Variants in PLCG2 observed in about 807,000 individuals in gnomAD.
PLCG2 encodes phospholipase C gamma 2, also known as 1-phosphatidylinositol 4,5-bisphosphate phosphodiesterase gamma-2.
Under a neutral mutation model 175.6 loss-of-function variants are expected in PLCG2, and 69 were observed. The ratio of observed to expected loss-of-function variants is 0.39; its 90% CI spans 0.32 to 0.48. The LOEUF (loss-of-function observed/expected upper bound fraction) is 0.48. PLCG2 is among the 20% of genes least tolerant of loss of function. PLCG2 has a pLI of 0.91. For missense variants in PLCG2, 1,798 were observed against 1,650.9 expected, an observed-to-expected ratio of 1.09 and a Z score of -1.54; for synonymous variants, 827 against 624.0, an observed-to-expected ratio of 1.33 and a Z score of -4.85.
intron 1 of PLCG2, among the ~76,000 whole-genome samples, chr16:81,750,899 T>C (rs1460283651): frequency 6.7e-6 from 1 of 149,160 alleles, no homozygotes; most frequent in Non-Finnish European, 1.5e-5. Flanking sequence ...GGTCTCGATC[T>C]CCTGACCTCA....
intron 2 of PLCG2, among the ~76,000 whole-genome samples, chr16:81,820,761 C>T (rs540266659): frequency 1.2e-4 from 18 of 152,310 alleles, no homozygotes; most frequent in African/African-American, 3.9e-4. Context: ...GCTGGGATTA[C>T]AGGTGCACAC....
chr16:81,818,643 G>A (rs535893190), intron 2 of PLCG2, among the ~76,000 whole-genome samples: 2 of 152,192 alleles, frequency 1.3e-5, no homozygotes, highest in East Asian at 1.9e-4. Flanking sequence ...CCAACTAGCC[G>A]GGCATACCTT....
chr16:81,881,367 G>C (rs771055523), intron 8 of PLCG2, among the ~76,000 whole-genome samples: 120 of 152,156 alleles, frequency 7.9e-4, no homozygotes, highest in Non-Finnish European at 1.3e-3. Context: ...ATGATGCTTG[G>C]CACCCATGAG....
At position 81,816,173 on chromosome 16, in the gene PLCG2, C is replaced by A. The variant is rs184231077; in HGVS notation, c.193+29991C>A. The stretch of plus-strand genomic sequence containing the variant: ...ATCACTTGAGGTCAGGAGTTCGAGA[C>A]CAGCCTGGCCAATATGGTGAAACTC... On this transcript the variant is annotated intron_variant, in intron 2 of 32. Coordinates refer to ENST00000564138, the MANE Select transcript of PLCG2 (RefSeq NM_002661.5). Among the ~76,000 whole-genome samples the A allele has an allele frequency of 5.9e-4, 90 of 152,166 alleles. 2 individuals carry two copies. The East Asian group carries it at 0.016, about 27-fold the overall frequency.
intron 2 of PLCG2, among the ~76,000 whole-genome samples, chr16:81,814,022 C>G (rs1416890244): frequency 1.3e-5 from 2 of 152,106 alleles, no homozygotes; most frequent in African/African-American, 4.8e-5. Flanking sequence ...TGAGCCTTGA[C>G]CTTGGGTGTG....
In PLCG2 at chr16:81,921,274, G is replaced by A. The variant is rs769881279; in HGVS notation, c.2307+5G>A. ...AGTGAAATCAATCCGTCCATGGTAC[G>A]GTGCCGAACCTCCAATTCACATGAT... On this transcript the variant is annotated splice_donor_5th_base_variant and intron_variant, in intron 21 of 32. Transcript: ENST00000564138. The A allele has an allele frequency of 6.3e-6, 10 of 1,591,756 alleles. No individual in the cohort carries two copies. The highest frequency in any genetic ancestry group is 2.7e-5 in the African/African-American group (2 of 74,558).
chr16:81,863,439 C>G (rs1452805416), intron 5 of PLCG2, among the ~76,000 whole-genome samples: 1 of 152,220 alleles, frequency 6.6e-6, no homozygotes, highest in Non-Finnish European at 1.5e-5. Context: ...TTTTGCTTAT[C>G]TACTTCTCCA....
chr16:81,883,648 GC>G, intron 9 of PLCG2: 1 of 422,110 alleles, frequency 2.4e-6, no homozygotes, highest in Non-Finnish European at 4.4e-6. Flanking sequence ...TGAGGATGGG[GC>G]TGCCCTCACC....
At chr16:81,811,704 C>G (rs1337168688) in intron 2 of PLCG2, among the ~76,000 whole-genome samples, 1 of 152,076 alleles carries the variant, frequency 6.6e-6, no homozygotes. Context: ...TGAGCTCATC[C>G]TTTTTTATGG....
rs1909174112 is a variant in PLCG2, at chr16:81,902,049, A to C, written c.1362+1269A>C. Among the ~76,000 whole-genome samples the C allele has an allele frequency of 2.0e-5, 3 of 152,324 alleles. No individual in the cohort carries two copies. The South Asian group carries it at 6.2e-4, about 32-fold the overall frequency. On this transcript the variant is annotated intron_variant, in intron 14 of 32. Transcript: ENST00000564138. ...CAGGCACATCCGAGTTCCAGCTCAG[A>C]GCACGGGAAGTCCAAGGGTGTCCAG...
intron 9 of PLCG2, among the ~76,000 whole-genome samples, chr16:81,884,860 CAG>C (rs980294162): frequency 6.6e-6 from 1 of 152,066 alleles, no homozygotes; most frequent in Admixed American, 6.6e-5. Context: ...TATCATCACT[CAG>C]ATTAAAAATT....
At chr16:81,895,027 C>G (rs951357375) in intron 12 of PLCG2, among the ~76,000 whole-genome samples, 4 of 151,682 alleles carry the variant, frequency 2.6e-5, no homozygotes, top group African/African-American at 9.8e-5. Flanking sequence ...TCTCCTCCCT[C>G]AGGAAAAAAC....
At chr16:81,767,136 G>T (rs934412269) in intron 2 of PLCG2, among the ~76,000 whole-genome samples, 41 of 71,768 alleles carry the variant, frequency 5.7e-4, no homozygotes, top group Non-Finnish European at 6.4e-4. Flanking sequence ...TAAACTCGTG[G>T]TTTTTTTTTT....
rs931617219 is a variant in PLCG2, at chr16:81,880,849, C to T, written c.649-61C>T. On this transcript the variant is annotated intron_variant, in intron 7 of 32. Coordinates refer to ENST00000564138, the MANE Select transcript of PLCG2 (RefSeq NM_002661.5). ...TGCTTTTTTAACAACAAAAATCTTT[C>T]CGTTTTTGCATTAAGTGACTTGTCT... 9 of 1,494,246 alleles carry T rather than the reference C, an allele frequency of 6.0e-6. No individual in the cohort carries two copies. The African/African-American group carries it at 6.9e-5, about 12-fold the overall frequency. 92.6% of individuals were successfully genotyped at this position (1,494,246 alleles called of 1,614,324 possible).
At chr16:81,829,575 C>G (rs1905179271) in intron 2 of PLCG2, among the ~76,000 whole-genome samples, 1 of 152,208 alleles carries the variant, frequency 6.6e-6, no homozygotes, top group Admixed American at 6.5e-5. Flanking sequence ...ATTAACATTA[C>G]CACATCGCTA....
At chr16:81,860,054 G>A (rs1012669965) in intron 5 of PLCG2, among the ~76,000 whole-genome samples, 4 of 151,566 alleles carry the variant, frequency 2.6e-5, no homozygotes, top group East Asian at 1.9e-4. Context: ...CGCTGCAGCC[G>A]TAAAGTCCTG....
intron 31 of PLCG2, among the ~76,000 whole-genome samples, chr16:81,955,341 T>A (rs947113152): frequency 6.6e-6 from 1 of 152,206 alleles, no homozygotes. Flanking sequence ...GATGTTTTTG[T>A]AGCACAGGAG....
intron 2 of PLCG2, among the ~76,000 whole-genome samples, chr16:81,770,190 G>A (rs775170617): frequency 1.3e-5 from 2 of 151,790 alleles, no homozygotes; most frequent in East Asian, 1.9e-4. Flanking sequence ...ACACACCCAC[G>A]CCCACATCAC....
chr16:81,816,169 G>A (rs927000360), intron 2 of PLCG2, among the ~76,000 whole-genome samples: 9 of 152,046 alleles, frequency 5.9e-5, no homozygotes, highest in Admixed American at 2.0e-4. Context: ...TCAGGAGTTC[G>A]AGACCAGCCT....
Sources: gnomAD v4.1 joint callset for allele counts (sites outside exome capture counted in the v4.1 genomes callset) on GRCh38, gnomAD v4.1.1 for gene constraint, MANE v1.5 for transcripts, NCBI Gene and HGNC (gene_info 2026-07-23, HGNC 2026-07-21) for gene names.